The following BTRC variants were observed in gnomAD, a reference collection of about 807,000 sequenced individuals.
BTRC encodes the protein beta-transducin repeat containing E3 ubiquitin protein ligase.
Under a neutral mutation model 85.5 loss-of-function variants are expected in BTRC, and 42 were observed. That is an observed-to-expected ratio of 0.49 (90% CI 0.38 to 0.64). The LOEUF is 0.64. Ranked by LOEUF, BTRC falls within the 30% of genes least tolerant of loss-of-function variation. The pLI, the probability that BTRC is intolerant of heterozygous loss-of-function variation, is 0.00. For missense variants in BTRC, 594 were observed against 743.5 expected (o/e 0.80, Z 2.34); for synonymous variants, 255 against 263.3 (o/e 0.97, Z 0.30).
chr10:101,433,184 A>C (rs769690972), intron 2 of BTRC, among the ~76,000 whole-genome samples: 1 of 152,158 alleles, frequency 6.6e-6, no homozygotes, highest in Non-Finnish European at 1.5e-5. Context: ...TCTCTTTGGG[A>C]ATCTGATGAG....
Position 101,473,944 on chromosome 10 carries a change from A to G in BTRC, c.235-5424A>G, listed in dbSNP as rs569422314. ...TGCACTTTTCAGTTCTAGAATTTCT[A>G]TTTAGTTTATTTTTGGTTTTTCATT... On this transcript the variant is annotated intron_variant, in intron 3 of 14. Coordinates refer to ENST00000370187, the MANE Select transcript of BTRC (RefSeq NM_033637.4). Among the ~76,000 whole-genome samples the G allele has an allele frequency of 2.6e-5, 4 of 152,136 alleles. No homozygotes were observed. The South Asian group carries it at 8.3e-4, about 32-fold the overall frequency.
At chr10:101,536,507 A>G (rs776517432) in intron 11 of BTRC, 36 bp from the exon 12 acceptor site, 9 of 1,475,862 alleles carry the variant, frequency 6.1e-6, no homozygotes, top group Non-Finnish European at 8.5e-6. Context: ...AGAAAAGAAT[A>G]CGTGAAAATT....
intron 6 of BTRC, among the ~76,000 whole-genome samples, chr10:101,531,009 C>CTAAT (rs1298603678): frequency 2.6e-5 from 4 of 152,120 alleles, no homozygotes; most frequent in African/African-American, 7.2e-5. Context: ...CCCATCTCTA[C>CTAAT]TAAAATACAA....
chr10:101,537,017 G>C (rs1271860149), intron 12 of BTRC, among the ~76,000 whole-genome samples: 1 of 152,138 alleles, frequency 6.6e-6, no homozygotes, highest in Non-Finnish European at 1.5e-5. Flanking sequence ...GCAGTATTTG[G>C]GGACTTAGTG....
At chr10:101,439,497 G>A (rs113384285) in intron 2 of BTRC, among the ~76,000 whole-genome samples, 14 of 152,172 alleles carry the variant, frequency 9.2e-5, no homozygotes, top group African/African-American at 2.7e-4. Flanking sequence ...TTGCAGTATC[G>A]TTGCACATTC....
At chr10:101,532,659 A>G (rs1291589168) in intron 8 of BTRC, among the ~76,000 whole-genome samples, 1 of 151,736 alleles carries the variant, frequency 6.6e-6, no homozygotes, top group East Asian at 1.9e-4. Flanking sequence ...AATGCACTGA[A>G]TGGGCTGTTA....
chr10:101,430,541 C>T (rs1944375249), intron 2 of BTRC, 89 bp downstream of exon 2: 5 of 989,680 alleles, frequency 5.1e-6, no homozygotes, highest in South Asian at 4.5e-5. Context: ...CCATACTTTA[C>T]TTATATTCAT....
At chr10:101,502,555 A>G (rs752064227) in intron 4 of BTRC, among the ~76,000 whole-genome samples, 1 of 152,064 alleles carries the variant, frequency 6.6e-6, no homozygotes, top group Non-Finnish European at 1.5e-5. Context: ...TGGTTCTTAA[A>G]TTTTTGCATA....
At chr10:101,385,615 C>CTTTTTTTTTTTTTTTTTTTTTTT (rs146804594) in intron 1 of BTRC, among the ~76,000 whole-genome samples, 15 of 48,898 alleles carry the variant, frequency 3.1e-4, no homozygotes, top group East Asian at 7.8e-4. Context: ...CTTTCTTCTT[C>CTTTTTTTTTTTTTTTTTTTTTTT]TTCTTTTTTT....
chr10:101,518,979 T>G (rs369140718), intron 4 of BTRC, among the ~76,000 whole-genome samples: 3 of 152,262 alleles, frequency 2.0e-5, no homozygotes, highest in East Asian at 3.9e-4. Flanking sequence ...GTGGCTGGGT[T>G]CTCTGCTGAG....
chr10:101,366,966 A>T (rs1401875363), intron 1 of BTRC, among the ~76,000 whole-genome samples: 1 of 40,740 alleles, frequency 2.5e-5, no homozygotes, highest in Non-Finnish European at 5.6e-5. Flanking sequence ...ATATTTATAT[A>T]AATATATATT....
At chr10:101,492,601 T>C (rs1208522121) in intron 4 of BTRC, among the ~76,000 whole-genome samples, 1 of 152,246 alleles carries the variant, frequency 6.6e-6, no homozygotes, top group Non-Finnish European at 1.5e-5. Context: ...TATTTATTTT[T>C]GTAGTATTAA....
intron 1 of BTRC, among the ~76,000 whole-genome samples, chr10:101,378,604 A>T (rs983569997): frequency 1.3e-5 from 2 of 149,378 alleles, no homozygotes; most frequent in Non-Finnish European, 3.0e-5. Flanking sequence ...GGTGCACTGC[A>T]ACCCCTACCT....
intron 2 of BTRC, among the ~76,000 whole-genome samples, chr10:101,431,915 G>A (rs1247271991): frequency 1.3e-5 from 2 of 152,080 alleles, no homozygotes; most frequent in African/African-American, 2.4e-5. Context: ...AAAGCATGCA[G>A]GTTCTAAAAT....
upstream of BTRC, chr10:101,354,104 C>T: frequency 6.6e-7 from 1 of 1,505,812 alleles, no homozygotes. Context: ...GAGGCGGGAT[C>T]CGGGCGCTGC....
At chr10:101,355,086 C>T (rs549283733) in intron 1 of BTRC, among the ~76,000 whole-genome samples, 19 of 152,190 alleles carry the variant, frequency 1.2e-4, no homozygotes, top group African/African-American at 3.9e-4. Flanking sequence ...AAATGAGTAT[C>T]TAATAGGGTA....
At chr10:101,523,696 A>G (rs544685344) in intron 5 of BTRC, among the ~76,000 whole-genome samples, 5 of 152,192 alleles carry the variant, frequency 3.3e-5, no homozygotes, top group East Asian at 1.9e-4. Context: ...GTATTTGCCT[A>G]TAAAGCTTTG....
intron 1 of BTRC, among the ~76,000 whole-genome samples, chr10:101,425,340 A>G (rs750059167): frequency 2.0e-5 from 3 of 152,152 alleles, no homozygotes; most frequent in South Asian, 2.1e-4. Flanking sequence ...TAGTGAAGTC[A>G]TTCAGTTGGA....
intron 5 of BTRC, among the ~76,000 whole-genome samples, chr10:101,522,991 G>A (rs1229731292): frequency 6.6e-6 from 1 of 152,132 alleles, no homozygotes; most frequent in Non-Finnish European, 1.5e-5. Flanking sequence ...GGATCACGAG[G>A]TCAAGAGTTC....
Sources: gnomAD v4.1 joint callset for allele counts (sites outside exome capture counted in the v4.1 genomes callset) on GRCh38, gnomAD v4.1.1 for gene constraint, MANE v1.5 for transcripts, NCBI Gene and HGNC (gene_info 2026-07-23, HGNC 2026-07-21) for gene names.